The following HS3ST4 variants were observed in gnomAD, a reference collection of about 807,000 sequenced individuals.
The protein encoded by HS3ST4 is heparan sulfate glucosamine 3-O-sulfotransferase 4.
A neutral mutation model predicts 29.2 loss-of-function variants in HS3ST4; 17 were observed. That is an observed-to-expected ratio of 0.58 (90% CI 0.40 to 0.87). HS3ST4 has a LOEUF of 0.87. Ranked by LOEUF, HS3ST4 falls within the 40% of genes least tolerant of loss-of-function variation. The pLI, the probability that HS3ST4 is intolerant of heterozygous loss-of-function variation, is 0.00. For synonymous variants in HS3ST4, 314 were observed against 285.7 expected, an observed-to-expected ratio of 1.10 and a Z score of -1.00; for missense variants, 627 against 634.5, an observed-to-expected ratio of 0.99 and a Z score of 0.13.
intron 1 of HS3ST4, among the ~76,000 whole-genome samples, chr16:25,906,077 A>G (rs930305036): frequency 6.6e-6 from 1 of 152,212 alleles, no homozygotes; most frequent in African/African-American, 2.4e-5. Context: ...ACGTTGCAGC[A>G]TGTTTCGTTG....
At chr16:25,954,583 T>A (rs1450005347) in intron 1 of HS3ST4, among the ~76,000 whole-genome samples, 1 of 152,204 alleles carries the variant, frequency 6.6e-6, no homozygotes, top group Admixed American at 6.5e-5. Context: ...TCTTAATCAC[T>A]ATGTTATAGT....
intron 1 of HS3ST4, among the ~76,000 whole-genome samples, chr16:25,698,567 T>G (rs1215070421): frequency 1.3e-5 from 2 of 152,218 alleles, no homozygotes; most frequent in East Asian, 3.8e-4. Context: ...CCTTTTAGAT[T>G]GTTGGGAGGA....
chr16:25,820,866 T>A (rs1967147499), intron 1 of HS3ST4, among the ~76,000 whole-genome samples: 1 of 152,010 alleles, frequency 6.6e-6, no homozygotes, highest in Non-Finnish European at 1.5e-5. Context: ...CCACTGCCCC[T>A]GGCCTACTAT....
chr16:26,029,274 G>A (rs1420938451), intron 1 of HS3ST4, among the ~76,000 whole-genome samples: 2 of 152,216 alleles, frequency 1.3e-5, no homozygotes, highest in Non-Finnish European at 2.9e-5. Context: ...TGGTTTCATG[G>A]TCACATGGCC....
At chr16:25,916,130 G>A (rs192706897) in intron 1 of HS3ST4, among the ~76,000 whole-genome samples, 1 of 152,324 alleles carries the variant, frequency 6.6e-6, no homozygotes, top group Non-Finnish European at 1.5e-5. Context: ...CAGAGGTACA[G>A]AGATATTATT....
chr16:26,043,840 G>T (rs375311447), intron 1 of HS3ST4, among the ~76,000 whole-genome samples: 1 of 151,948 alleles, frequency 6.6e-6, no homozygotes, highest in East Asian at 1.9e-4. Context: ...TGTGCCATTC[G>T]CCCTCCCAAG....
chr16:25,889,757 T>A (rs1228469163), intron 1 of HS3ST4, among the ~76,000 whole-genome samples: 2 of 152,188 alleles, frequency 1.3e-5, no homozygotes, highest in African/African-American at 4.8e-5. Flanking sequence ...CCAAATCTCA[T>A]CTTGAATTGT....
In HS3ST4 at chr16:25,692,968, G is replaced by C; in HGVS notation, c.551G>C (p.Gly184Ala). 6.2e-7 allele frequency: 1 copy of C among 1,610,896 alleles called. No homozygotes were observed. The highest frequency in any genetic ancestry group is 8.5e-7 in the Non-Finnish European group (1 of 1,179,190). Residue 184 changes from glycine (G) to alanine (A), a missense_variant, in exon 1 of 2, where the codon GGC (glycine) becomes GCC (alanine). By Grantham distance (60) the Gly-to-Ala change is moderately conservative (BLOSUM62 0). This residue lies in a region of HS3ST4 where 402 missense variants were observed against 340.8 expected (regional missense o/e 1.18). Coordinates refer to ENST00000331351, the MANE Select transcript of HS3ST4 (RefSeq NM_006040.3). ...GCGGCCAACGGGAGCAGCGAGAGGG[G>C]CGGCGCCGTCAGCACCCCCGACTAT... Reference protein sequence around the residue: ...RRAANGSSERGGAVSTPDYGE... With the variant: ...RRAANGSSERAGAVSTPDYGE...
chr16:25,881,112 G>A (rs1415645188), intron 1 of HS3ST4, among the ~76,000 whole-genome samples: 10 of 152,142 alleles, frequency 6.6e-5, no homozygotes, highest in African/African-American at 2.4e-4. Context: ...TGGAAATTTA[G>A]GGAAGGGATG....
intron 1 of HS3ST4, among the ~76,000 whole-genome samples, chr16:25,801,824 A>C (rs1164749388): frequency 6.6e-6 from 1 of 151,978 alleles, no homozygotes; most frequent in Non-Finnish European, 1.5e-5. Flanking sequence ...CTATCATATA[A>C]TTTTGTTGCT....
intron 1 of HS3ST4, among the ~76,000 whole-genome samples, chr16:25,855,259 G>C (rs1055334678): frequency 6.6e-6 from 1 of 152,140 alleles, no homozygotes; most frequent in Non-Finnish European, 1.5e-5. Flanking sequence ...CAAAGTTCTT[G>C]TTATGTAGAT....
chr16:25,910,527 C>T (rs1421513887), intron 1 of HS3ST4, among the ~76,000 whole-genome samples: 1 of 151,902 alleles, frequency 6.6e-6, no homozygotes, highest in African/African-American at 2.4e-5. Context: ...CCTGTAATCC[C>T]AGCTACTTGG....
intron 1 of HS3ST4, among the ~76,000 whole-genome samples, chr16:25,938,744 T>A (rs1365006628): frequency 6.6e-6 from 1 of 152,176 alleles, no homozygotes; most frequent in Non-Finnish European, 1.5e-5. Flanking sequence ...TACTTCCCCT[T>A]TTACTGCAGG....
chr16:25,923,086 C>T (rs1324332174), intron 1 of HS3ST4, among the ~76,000 whole-genome samples: 1 of 152,208 alleles, frequency 6.6e-6, no homozygotes, highest in African/African-American at 2.4e-5. Context: ...ATAAAGTTTA[C>T]CAACTTGTTT....
At chr16:25,936,895 A>G (rs1013906079) in intron 1 of HS3ST4, among the ~76,000 whole-genome samples, 1 of 152,250 alleles carries the variant, frequency 6.6e-6, no homozygotes, top group African/African-American at 2.4e-5. Flanking sequence ...GGAAGGAAGA[A>G]CGGAAATGGA....
At chr16:25,784,276 A>G (rs1966855275) in intron 1 of HS3ST4, among the ~76,000 whole-genome samples, 1 of 152,112 alleles carries the variant, frequency 6.6e-6, no homozygotes, top group Non-Finnish European at 1.5e-5. Context: ...CCAGTTCATA[A>G]CCCTACAATG....
chr16:25,801,108 A>T (rs972839228), intron 1 of HS3ST4, among the ~76,000 whole-genome samples: 1 of 152,120 alleles, frequency 6.6e-6, no homozygotes, highest in African/African-American at 2.4e-5. Context: ...CATTTCTGAC[A>T]AGCTCCCAGG....
chr16:25,952,052 C>T (rs963616701), intron 1 of HS3ST4, among the ~76,000 whole-genome samples: 3 of 152,040 alleles, frequency 2.0e-5, no homozygotes, highest in Non-Finnish European at 4.4e-5. Flanking sequence ...AGAATTCAGA[C>T]TTCATTGTCC....
At chr16:25,794,446 G>A (rs771864902) in intron 1 of HS3ST4, among the ~76,000 whole-genome samples, 9 of 150,706 alleles carry the variant, frequency 6.0e-5, no homozygotes, top group Non-Finnish European at 1.0e-4. Flanking sequence ...GGGTTTTATC[G>A]TTTAAAAATG....
Sources: gnomAD v4.1 joint callset for allele counts (sites outside exome capture counted in the v4.1 genomes callset) on GRCh38, gnomAD v4.1.1 for gene constraint, gnomAD v4.1.1 regional missense constraint, MANE v1.5 for transcripts, NCBI Gene and HGNC (gene_info 2026-07-23, HGNC 2026-07-21) for gene names.